Variants in RBM20 observed in about 807,000 individuals in gnomAD.
RBM20 encodes the protein RNA-binding protein 20.
Under a neutral mutation model 110.1 loss-of-function variants are expected in RBM20, and 51 were observed. The observed-to-expected ratio is 0.46, with a 90% CI of 0.37 to 0.59. RBM20 has a LOEUF of 0.59. Ranked by LOEUF, RBM20 falls within the 20% of genes least tolerant of loss-of-function variation. RBM20 has a pLI of 0.00. For synonymous variants in RBM20, 589 were observed against 618.2 expected, an observed-to-expected ratio of 0.95 and a Z score of 0.70; for missense variants, 1,512 against 1,574.9, an observed-to-expected ratio of 0.96 and a Z score of 0.68.
chr10:110,767,077 G>A (rs1212746329), intron 1 of RBM20, among the ~76,000 whole-genome samples: 1 of 133,322 alleles, frequency 7.5e-6, no homozygotes, highest in Non-Finnish European at 1.7e-5. Context: ...GGCCGGGCGG[G>A]GGGTGACCCC....
intron 10 of RBM20, among the ~76,000 whole-genome samples, chr10:110,820,801 T>G (rs756335848): frequency 1.1e-4 from 17 of 152,136 alleles, no homozygotes; most frequent in Non-Finnish European, 2.2e-4. Flanking sequence ...CTGCTGCAGA[T>G]GCCAAGGGGA....
intron 1 of RBM20, among the ~76,000 whole-genome samples, chr10:110,694,901 G>A (rs1321473186): frequency 6.6e-6 from 1 of 152,100 alleles, no homozygotes. Context: ...GAAAGAATTG[G>A]AGTAAGTCAG....
chr10:110,667,479 G>T (rs1862195362), intron 1 of RBM20, among the ~76,000 whole-genome samples: 1 of 152,208 alleles, frequency 6.6e-6, no homozygotes, highest in Non-Finnish European at 1.5e-5. Flanking sequence ...TCCTGCCTCG[G>T]TGGGTGAATG....
chr10:110,715,809 T>G (rs1324794835), intron 1 of RBM20, among the ~76,000 whole-genome samples: 2 of 152,048 alleles, frequency 1.3e-5, no homozygotes, highest in East Asian at 3.9e-4. Flanking sequence ...CAATTACAAT[T>G]ACAGTACTGA....
At chr10:110,650,233 C>T (rs557246655) in intron 1 of RBM20, among the ~76,000 whole-genome samples, 7 of 152,240 alleles carry the variant, frequency 4.6e-5, no homozygotes, top group South Asian at 4.1e-4. Flanking sequence ...AACTCTTTAC[C>T]GCGGTGGAAG....
Position 110,799,880 on chromosome 10 carries a change from A to G in RBM20, c.1762A>G (p.Ile588Val), listed in dbSNP as rs777847060. The change falls in exon 7 of 14, where the codon ATT (isoleucine) becomes GTT (valine). Residue 588 changes from isoleucine to valine, a missense_variant. By Grantham distance (29) the Ile-to-Val change is conservative. Around this residue, in one of 3 missense-constraint regions of RBM20, gnomAD observed 1,149 missense variants for 1,169.4 expected, o/e 0.98. Coordinates refer to ENST00000369519, the MANE Select transcript of RBM20 (RefSeq NM_001134363.3). The stretch of plus-strand genomic sequence containing the variant: ...TGTGATCAATGGTGAGAAGTTGCTC[A>G]TTCGGATGTCCAAGAGATACAAGGA... The part of the protein sequence containing the change: ...SAVINGEKLL[I>V]RMSKRYKELQ... The G allele has an allele frequency of 1.3e-6, 2 of 1,552,170 alleles. No individual in the cohort carries two copies. The highest frequency in any genetic ancestry group is 8.7e-7 in the Non-Finnish European group (1 of 1,147,064).
At chr10:110,677,215 A>G (rs1287173136) in intron 1 of RBM20, among the ~76,000 whole-genome samples, 1 of 152,210 alleles carries the variant, frequency 6.6e-6, no homozygotes, top group Non-Finnish European at 1.5e-5. Flanking sequence ...TCCCACTCTC[A>G]TAATAACCCA....
chr10:110,655,214 A>C (rs967469520), intron 1 of RBM20, among the ~76,000 whole-genome samples: 9 of 152,230 alleles, frequency 5.9e-5, no homozygotes. Context: ...AGTAGGTCAA[A>C]TTTAAGACAA....
Position 110,644,746 on chromosome 10 carries a change from G to T in RBM20, c.191+101G>T, listed in dbSNP as rs12415647. 2,177 of 921,774 alleles carry T rather than the reference G, an allele frequency of 2.4e-3. 102 individuals are homozygous for T. The Admixed American group carries it at 0.072, about 31-fold the overall frequency. The allele number at this position is 921,774 out of a possible 1,614,324, so 57.1% of individuals were successfully genotyped here. A position where few individuals can be genotyped will look rare whatever the true frequency, so the allele number is the denominator to read the frequency against. On this transcript the variant is annotated intron_variant, in intron 1 of 13. Coordinates refer to ENST00000369519, the MANE Select transcript of RBM20 (RefSeq NM_001134363.3). The surrounding 1 kb of genome is among the most constrained non-coding windows in gnomAD (Gnocchi z 4.3). ...TTCCCGTCCCTGCTGAACTTCGCTC[G>T]CCCCCCTTGGGTTTGAAGTTTTCTC...
chr10:110,765,068 A>T (rs759505920), intron 1 of RBM20, among the ~76,000 whole-genome samples: 4 of 152,202 alleles, frequency 2.6e-5, no homozygotes, highest in Admixed American at 6.5e-5. Context: ...GACCCCAGTG[A>T]AATCAGCGAT....
chr10:110,694,346 C>T (rs1036143741), intron 1 of RBM20, among the ~76,000 whole-genome samples: 1 of 152,144 alleles, frequency 6.6e-6, no homozygotes, highest in Non-Finnish European at 1.5e-5. Context: ...GTATTTTTGT[C>T]CTATTAAAGA....
intron 1 of RBM20, among the ~76,000 whole-genome samples, chr10:110,702,057 A>C (rs781780391): frequency 2.6e-5 from 4 of 152,158 alleles, no homozygotes; most frequent in Non-Finnish European, 4.4e-5. Flanking sequence ...CCCCAGAGGC[A>C]CTGTGCTTTT....
intron 10 of RBM20, among the ~76,000 whole-genome samples, chr10:110,820,951 C>T (rs1420320075): frequency 6.6e-6 from 1 of 152,172 alleles, no homozygotes; most frequent in South Asian, 2.1e-4. Context: ...GAAAGATGCT[C>T]CAGTAAGTAT....
intron 2 of RBM20, 63 bp downstream of exon 2, chr10:110,781,947 C>T: frequency 1.9e-6 from 3 of 1,544,626 alleles, no homozygotes; most frequent in Non-Finnish European, 2.6e-6. Flanking sequence ...TTCCCCATGA[C>T]CCAACTCACG....
intron 11 of RBM20, 21 bp downstream of exon 11, chr10:110,821,956 C>T (rs1441158877): frequency 2.6e-5 from 41 of 1,550,862 alleles, no homozygotes; most frequent in Non-Finnish European, 3.5e-5. Context: ...CCCCTTTCCT[C>T]ACGGGTGGTC....
At chr10:110,807,744 G>C (rs1404672814) in intron 7 of RBM20, among the ~76,000 whole-genome samples, 1 of 152,272 alleles carries the variant, frequency 6.6e-6, no homozygotes, top group Non-Finnish European at 1.5e-5. Flanking sequence ...AGTTCCAGAA[G>C]AGCAGAAGAA....
At chr10:110,736,292 A>C (rs1340570997) in intron 1 of RBM20, among the ~76,000 whole-genome samples, 1 of 152,244 alleles carries the variant, frequency 6.6e-6, no homozygotes, top group African/African-American at 2.4e-5. Flanking sequence ...TGCCATTTGC[A>C]CACAATATAC....
chr10:110,650,427 G>A (rs903840092), intron 1 of RBM20, among the ~76,000 whole-genome samples: 3 of 152,182 alleles, frequency 2.0e-5, no homozygotes, highest in Admixed American at 2.0e-4. Flanking sequence ...TAAGCAACTT[G>A]CATGAGGATG....
At chr10:110,711,092 G>T (rs1862919184) in intron 1 of RBM20, among the ~76,000 whole-genome samples, 1 of 151,904 alleles carries the variant, frequency 6.6e-6, no homozygotes, top group African/African-American at 2.4e-5. Context: ...GGCGATTGTG[G>T]CCACCCCTAT....
Sources: gnomAD v4.1 joint callset for allele counts (sites outside exome capture counted in the v4.1 genomes callset) on GRCh38, gnomAD v4.1.1 for gene constraint, gnomAD v4.1.1 regional missense constraint, Gnocchi (gnomAD v3.1) non-coding constraint, MANE v1.5 for transcripts, NCBI Gene and HGNC (gene_info 2026-07-23, HGNC 2026-07-21) for gene names.